CBLB: variants seen among roughly 807,000 people sequenced by gnomAD.
The protein encoded by CBLB is E3 ubiquitin-protein ligase CBL-B.
CBLB carries 31 observed loss-of-function variants against 104.9 expected under a neutral mutation model. The observed-to-expected ratio is 0.30, with a 90% CI of 0.22 to 0.40. CBLB has a LOEUF of 0.40. Ranked by LOEUF, CBLB falls within the 10% of genes least tolerant of loss-of-function variation. The pLI is 1.00. For synonymous variants in CBLB, 440 were observed against 422.6 expected, an observed-to-expected ratio of 1.04 and a Z score of -0.51; for missense variants, 1,062 against 1,214.6, an observed-to-expected ratio of 0.87 and a Z score of 1.87.
chr3:105,692,071 T>C (rs930914782), intron 13 of CBLB, among the ~76,000 whole-genome samples: 1 of 152,204 alleles, frequency 6.6e-6, no homozygotes, highest in African/African-American at 2.4e-5. Flanking sequence ...GGCTGGGATC[T>C]ACCTTATTTT....
chr3:105,776,117 A>G (rs1011233103), intron 4 of CBLB, among the ~76,000 whole-genome samples: 1 of 152,172 alleles, frequency 6.6e-6, no homozygotes, highest in Non-Finnish European at 1.5e-5. Flanking sequence ...TCTCATGTAT[A>G]AAGACTCTTA....
Position 105,659,184 on chromosome 3 carries a change from C to T in CBLB, c.2735G>A (p.Arg912Lys). 6.2e-7 allele frequency: 1 copy of T among 1,613,926 alleles called. No homozygotes were observed. Among genetic ancestry groups the T allele is most frequent in the Non-Finnish European group, 8.5e-7 (1 of 1,179,912 alleles). Residue 912 changes from arginine to lysine, a missense_variant, in exon 19 of 19, where the codon AGG (arginine) becomes AAG (lysine). Physicochemically the swap from Arg to Lys is conservative, Grantham distance 26. Transcript: ENST00000394030. ...PARPPKPRPR[R>K]TAPEIHHRKP... ...TCTGTGGTGAATTTCTGGTGCAGTC[C>T]TGCGCGGTCGTGGTTTAGGGGGTCT...
chr3:105,695,523 A>G (rs1333842548), intron 12 of CBLB, among the ~76,000 whole-genome samples: 2 of 151,856 alleles, frequency 1.3e-5, no homozygotes, highest in East Asian at 3.8e-4. Flanking sequence ...AAAGCCACAA[A>G]GTACAATTAA....
chr3:105,669,659 A>C (rs2064855921), intron 18 of CBLB, among the ~76,000 whole-genome samples: 1 of 152,200 alleles, frequency 6.6e-6, no homozygotes, highest in African/African-American at 2.4e-5. Context: ...AAGAAAAATA[A>C]AGCAAAAAAG....
upstream of CBLB, chr3:105,869,327 AG>A (rs2153167135): frequency 7.8e-7 from 1 of 1,286,280 alleles, no homozygotes; most frequent in Admixed American, 2.3e-5. Flanking sequence ...CAAGGCACGA[AG>A]GAGCTAACCA....
At chr3:105,776,770 C>T (rs940140111) in intron 3 of CBLB, among the ~76,000 whole-genome samples, 9 of 151,920 alleles carry the variant, frequency 5.9e-5, no homozygotes, top group African/African-American at 2.2e-4. Flanking sequence ...TCCATGTATT[C>T]ATTTAACATA....
intron 3 of CBLB, among the ~76,000 whole-genome samples, chr3:105,826,594 C>T (rs1325119405): frequency 1.3e-5 from 2 of 152,144 alleles, no homozygotes; most frequent in African/African-American, 4.8e-5. Flanking sequence ...TTCCATTCAC[C>T]CTTTCATCCT....
chr3:105,737,111 T>C (rs2289746), intron 8 of CBLB, 60 bp downstream of exon 8: 528,007 of 817,596 alleles, frequency 0.65, 173,774 homozygotes, highest in Middle Eastern at 0.74. Flanking sequence ...GAGAGTCTTA[T>C]TTATTTCAAG....
chr3:105,746,054 A>T lies in CBLB; in HGVS notation c.724-16T>A. The T allele has an allele frequency of 6.5e-7, 1 of 1,532,284 alleles. No individual in the cohort carries two copies. Among genetic ancestry groups the T allele is most frequent in the Non-Finnish European group, 9.0e-7 (1 of 1,107,558 alleles). 94.9% of individuals were successfully genotyped at this position (1,532,284 alleles called of 1,614,324 possible). On this transcript the variant is annotated splice_polypyrimidine_tract_variant and intron_variant, in intron 5 of 18. Coordinates refer to ENST00000394030, the MANE Select transcript of CBLB (RefSeq NM_170662.5). ...AGCCCCAAGGCTAAAAAATAAAAAA[A>T]TTAAAAGAGATTAGTATCTAGAGAA...
Position 105,704,050 on chromosome 3 carries a change from G to A in CBLB, c.1531C>T (p.Leu511=). 1 of 1,614,188 alleles carries A rather than the reference G, an allele frequency of 6.2e-7. No homozygotes were observed. Among genetic ancestry groups the A allele is most frequent in the Non-Finnish European group, 8.5e-7 (1 of 1,180,024 alleles). Residue 511 remains leucine, a synonymous_variant, in exon 11 of 19, where the codon CTG becomes TTG. Transcript: ENST00000394030. The part of the protein sequence containing the change: ...HLSLPPVPPR[L]DLIQKGIVRS... ...ACTATGCCTTTCTGAATTAGATCCA[G>A]GCGAGGAGGCACGGGTGGCAGGCTT...
In CBLB at chr3:105,746,045, A is replaced by C; in HGVS notation, c.724-7T>G. ...GCAAAATAGAGCCCCAAGGCTAAAA[A>C]ATAAAAAAATTAAAAGAGATTAGTA... On this transcript the variant is annotated splice_region_variant and splice_polypyrimidine_tract_variant and intron_variant, in intron 5 of 18. Transcript: ENST00000394030. The C allele has an allele frequency of 6.3e-7, 1 of 1,587,742 alleles. No individual in the cohort carries two copies. The highest frequency in any genetic ancestry group is 8.6e-7 in the Non-Finnish European group (1 of 1,156,836).
At chr3:105,836,677 T>G (rs534310726) in intron 3 of CBLB, among the ~76,000 whole-genome samples, 1 of 152,174 alleles carries the variant, frequency 6.6e-6, no homozygotes, top group Non-Finnish European at 1.5e-5. Flanking sequence ...ATGGTAAAGC[T>G]GAGATTACTG....
intron 3 of CBLB, among the ~76,000 whole-genome samples, chr3:105,826,127 C>T (rs1423361203): frequency 6.6e-6 from 1 of 152,172 alleles, no homozygotes; most frequent in Non-Finnish European, 1.5e-5. Flanking sequence ...ATGGATCCAG[C>T]ATGTCCCCAA....
At chr3:105,801,686 C>G (rs1012277533) in intron 3 of CBLB, among the ~76,000 whole-genome samples, 9 of 152,374 alleles carry the variant, frequency 5.9e-5, no homozygotes, top group East Asian at 3.9e-4. Context: ...TTTGAAGATT[C>G]CTTTGCAATC....
chr3:105,704,744 A>C (rs1196581305), intron 10 of CBLB, among the ~76,000 whole-genome samples: 2 of 151,938 alleles, frequency 1.3e-5, no homozygotes, highest in Non-Finnish European at 2.9e-5. Context: ...CAAGTTAAAC[A>C]TTTTTCTTGA....
chr3:105,804,434 TCGCCTG>T, intron 3 of CBLB, among the ~76,000 whole-genome samples: 1 of 151,688 alleles, frequency 6.6e-6, no homozygotes, highest in Middle Eastern at 3.4e-3. Flanking sequence ...GGTGTGAGAA[TCGCCTG>T]AACCTGGGAG....
At chr3:105,799,085 T>A (rs2082545453) in intron 3 of CBLB, among the ~76,000 whole-genome samples, 1 of 149,148 alleles carries the variant, frequency 6.7e-6, no homozygotes, top group African/African-American at 2.5e-5. Context: ...AAAAATGAAA[T>A]GTTTAACAAT....
At chr3:105,713,240 TGG>T (rs2071357543) in intron 10 of CBLB, among the ~76,000 whole-genome samples, 1 of 151,822 alleles carries the variant, frequency 6.6e-6, no homozygotes, top group South Asian at 2.1e-4. Context: ...ACCAAGTACT[TGG>T]GGGAAGGGGA....
At position 105,734,061 on chromosome 3, in the gene CBLB, T is replaced by C. The variant is rs556978479; in HGVS notation, c.1151A>G (p.Lys384Arg). The change falls in exon 9 of 19, where the codon AAG becomes AGG. Residue 384 changes from lysine (K) to arginine (R), a missense_variant. Coordinates refer to ENST00000394030, the MANE Select transcript of CBLB (RefSeq NM_170662.5). ...KICAENDKDV[K>R]IEPCGHLMCT... is the part of the protein sequence containing the mutation. ...CATCAAATGCCCACAAGGCTCAATC[T>C]TGACATCTTTGTCATTCTCTGCACA... The C allele has an allele frequency of 1.5e-5, 24 of 1,614,048 alleles. No homozygotes were observed. The South Asian group carries it at 2.4e-4, about 16-fold the overall frequency.
Sources: allele counts gnomAD v4.1 joint callset (sites outside exome capture counted in the v4.1 genomes callset), GRCh38; gene constraint gnomAD v4.1.1; transcripts MANE v1.5; gene names NCBI Gene and HGNC (gene_info 2026-07-23, HGNC 2026-07-21).